FMO3: variants seen among roughly 807,000 people sequenced by gnomAD.
The protein encoded by FMO3 is flavin-containing monooxygenase 3.
In FMO3, 40 loss-of-function variants were observed where a neutral mutation model predicts 39.4. That is an observed-to-expected ratio of 1.02 (90% CI 0.79 to 1.32). The LOEUF (loss-of-function observed/expected upper bound fraction) is 1.32, where lower values mean the gene tolerates loss of function less well. Ranked by LOEUF, FMO3 falls within the 40% of genes most tolerant of loss-of-function variation. FMO3 has a pLI of 0.00. For synonymous variants in FMO3, 219 were observed against 228.8 expected (o/e 0.96, Z 0.39); for missense variants, 680 against 651.8 (o/e 1.04, Z -0.47).
intron 2 of FMO3, among the ~76,000 whole-genome samples, chr1:171,097,381 G>T (rs1655155059): frequency 9.5e-6 from 1 of 105,596 alleles, no homozygotes; most frequent in African/African-American, 4.7e-5. Context: ...CTTCCACAAT[G>T]GTTGAACTAG....
chr1:171,109,487 T>C (rs1375600762), intron 5 of FMO3, among the ~76,000 whole-genome samples: 2 of 151,022 alleles, frequency 1.3e-5, no homozygotes, highest in Admixed American at 6.6e-5. Flanking sequence ...GGAAGATCAA[T>C]TTCAGAGGCT....
chr1:171,094,707 G>A (rs965107959), intron 2 of FMO3, among the ~76,000 whole-genome samples: 2 of 152,102 alleles, frequency 1.3e-5, no homozygotes, highest in African/African-American at 2.4e-5. Flanking sequence ...CCTTTCCCCA[G>A]CATATGCTAT....
rs772961889 is a variant in FMO3, at chr1:171,117,385, G to A, written c.1542G>A (p.Trp514Ter). 4.3e-6 allele frequency: 7 copies of A among 1,612,690 alleles called. No individual in the cohort carries two copies. The highest frequency in any genetic ancestry group is 5.9e-6 in the Non-Finnish European group (7 of 1,179,638). ...RLQKPCFFFH[W>*]LKLFAIPILL... The stretch of plus-strand genomic sequence containing the variant: ...AGAAGCCTTGCTTCTTTTTCCATTG[G>A]CTGAAGCTCTTTGCAATTCCTATTC... Residue 514 changes from tryptophan to a stop codon, truncating the protein, a stop_gained, in exon 9 of 9, where the codon TGG becomes TGA. Coordinates refer to ENST00000367755, the MANE Select transcript of FMO3 (RefSeq NM_001002294.3). LOFTEE classifies it low-confidence loss of function (END_TRUNC).
At chr1:171,098,134 T>A (rs1655189233) in intron 2 of FMO3, among the ~76,000 whole-genome samples, 1 of 152,216 alleles carries the variant, frequency 6.6e-6, no homozygotes. Context: ...GGCTCTGTTC[T>A]GTTCCACTGG....
intron 8 of FMO3, 144 bp from the exon 9 acceptor site, chr1:171,116,956 G>A: frequency 1.5e-6 from 1 of 689,386 alleles, no homozygotes; most frequent in Middle Eastern, 2.6e-4. Flanking sequence ...GATGTTGTAT[G>A]TCAGGGTAGT....
chr1:171,105,821 A>T (rs1655611371), intron 3 of FMO3, among the ~76,000 whole-genome samples: 1 of 152,142 alleles, frequency 6.6e-6, no homozygotes, highest in African/African-American at 2.4e-5. Flanking sequence ...TATGCATGAA[A>T]GATAAAAAAA....
Position 171,117,585 on chromosome 1 carries a change from G to C in FMO3, c.*143G>C. 3.2e-6 allele frequency: 2 copies of C among 627,588 alleles called. No homozygotes were observed. Among genetic ancestry groups the C allele is most frequent in the Non-Finnish European group, 5.5e-6 (2 of 363,976 alleles). 38.9% of individuals were successfully genotyped at this position (627,588 alleles called of 1,614,324 possible). A position where few individuals can be genotyped will look rare whatever the true frequency, so the allele number is the denominator to read the frequency against. Reference sequence around the variant, plus strand: ...TCTGTAGACATTAGTCAGTAATACAGTGTTATTTCTAGGCTCTGAAATAGC... The same window carrying C: ...TCTGTAGACATTAGTCAGTAATACACTGTTATTTCTAGGCTCTGAAATAGC... On this transcript the variant is annotated 3_prime_UTR_variant, in exon 9 of 9. Transcript: ENST00000367755.
chr1:171,099,610 TAAAAG>T (rs201557815), intron 2 of FMO3, among the ~76,000 whole-genome samples: 2,625 of 152,040 alleles, frequency 0.017, 89 homozygotes, highest in African/African-American at 0.06. Context: ...TTTGAAGCTT[TAAAAG>T]AAAAGAAAAA....
At position 171,116,189 on chromosome 1, in the gene FMO3, G is replaced by A. The variant is rs199894248; in HGVS notation, c.1184-19G>A. On this transcript the variant is annotated intron_variant, in intron 7 of 8. Transcript: ENST00000367755. ...TGCCAGACTCATTAATTACCATCGT[G>A]TCTTTCCTTCTTTATCAGGAACTTG... 2.6e-6 allele frequency: 4 copies of A among 1,519,652 alleles called. No homozygotes were observed. The highest frequency in any genetic ancestry group is 2.3e-5 in the East Asian group (1 of 44,304). 94.1% of individuals were successfully genotyped at this position (1,519,652 alleles called of 1,614,324 possible).
At position 171,117,020 on chromosome 1, in the gene FMO3, A is replaced by G. The variant is rs147585698; in HGVS notation, c.1257-80A>G. On this transcript the variant is annotated intron_variant, in intron 8 of 8. Transcript: ENST00000367755. ...GATTGATGTTAATTCTCACTGATAT[A>G]AAGTTGCGAGCCATTTTCTCTGTTC... 2.5e-3 allele frequency: 2,677 copies of G among 1,060,896 alleles called. 5 individuals are homozygous for G. The highest frequency in any genetic ancestry group is 3.6e-3 in the South Asian group (284 of 78,878). The allele number at this position is 1,060,896 out of a possible 1,614,324, so 65.7% of individuals were successfully genotyped here.
chr1:171,110,842 C>G lies in FMO3; in HGVS notation c.672C>G (p.Val224=). The change falls in exon 6 of 9, where the codon GTC becomes GTG. Residue 224 remains valine (V), a synonymous_variant. Coordinates refer to ENST00000367755, the MANE Select transcript of FMO3 (RefSeq NM_001002294.3). ...GTGGCTCCTGGGTGATGAGCCGGGT[C>G]TGGGACAATGGTTATCCTTGGGACA... ...SRSGSWVMSR[V]WDNGYPWDML... 1 of 1,613,966 alleles carries G rather than the reference C, an allele frequency of 6.2e-7. No homozygotes were observed. Among genetic ancestry groups the G allele is most frequent in the Non-Finnish European group, 8.5e-7 (1 of 1,179,924 alleles).
chr1:171,110,307 G>T (rs143805859), intron 5 of FMO3, among the ~76,000 whole-genome samples: 119 of 152,300 alleles, frequency 7.8e-4, no homozygotes, highest in African/African-American at 2.7e-3. Flanking sequence ...TTAGATAAGT[G>T]CTAGGGAAAA....
At chr1:171,098,368 A>T (rs1469090152) in intron 2 of FMO3, among the ~76,000 whole-genome samples, 1 of 152,146 alleles carries the variant, frequency 6.6e-6, no homozygotes, top group African/African-American at 2.4e-5. Flanking sequence ...TGAATCTATA[A>T]ATTACCTTGG....
At chr1:171,116,907 G>A (rs1656179108) in intron 8 of FMO3, among the ~76,000 whole-genome samples, 193 bp from the exon 9 acceptor site, 1 of 152,168 alleles carries the variant, frequency 6.6e-6, no homozygotes, top group East Asian at 1.9e-4. Context: ...AAACCACAAA[G>A]TAGGATAAAC....
In FMO3 at chr1:171,114,242, G is replaced by C; in HGVS notation, c.1063G>C (p.Gly355Arg). 1 of 1,613,906 alleles carries C rather than the reference G, an allele frequency of 6.2e-7. No individual in the cohort carries two copies. Among genetic ancestry groups the C allele is most frequent in the Non-Finnish European group, 8.5e-7 (1 of 1,179,894 alleles). The change falls in exon 7 of 9, where the codon GGA (glycine) becomes CGA (arginine). Residue 355 changes from glycine (G) to arginine (R), a missense_variant. Gly to Arg is a moderately radical substitution (Grantham distance 125). Transcript: ENST00000367755. Reference sequence around the variant, plus strand: ...AAACAATGAGATCATTTTATTTAAAGGAGTATTTCCTCCTCTACTTGAGAA... The same window carrying C: ...AAACAATGAGATCATTTTATTTAAACGAGTATTTCCTCCTCTACTTGAGAA... ...SRNNEIILFKGVFPPLLEKST... is the reference protein window; with the variant it reads ...SRNNEIILFKRVFPPLLEKST...
Position 171,114,190 on chromosome 1 carries a change from C to T in FMO3, c.1011C>T (p.Phe337=), listed in dbSNP as rs1656040820. ...FATGYSFAYP[F]LDESIIKSRN... ...CAGGGTATAGTTTTGCCTACCCCTT[C>T]CTTGATGAGTCTATCATCAAAAGCA... Residue 337 remains phenylalanine, a synonymous_variant, in exon 7 of 9, where the codon TTC becomes TTT. Coordinates refer to ENST00000367755, the MANE Select transcript of FMO3 (RefSeq NM_001002294.3). 1 of 1,613,904 alleles carries T rather than the reference C, an allele frequency of 6.2e-7. No individual in the cohort carries two copies. The highest frequency in any genetic ancestry group is 1.3e-5 in the African/African-American group (1 of 74,922).
At chr1:171,108,740 G>A (rs1306256388) in intron 5 of FMO3, among the ~76,000 whole-genome samples, 1 of 152,156 alleles carries the variant, frequency 6.6e-6, no homozygotes, top group South Asian at 2.1e-4. Flanking sequence ...CAGGCACTGG[G>A]TTGGGTGCTG....
chr1:171,108,264 AAG>A, intron 5 of FMO3, 43 bp downstream of exon 5: 1 of 1,609,474 alleles, frequency 6.2e-7, no homozygotes, highest in African/African-American at 1.3e-5. Flanking sequence ...TTACTGACAG[AAG>A]AGTTATTATC....
chr1:171,094,094 G>C (rs1373341810), intron 2 of FMO3, among the ~76,000 whole-genome samples: 1 of 151,942 alleles, frequency 6.6e-6, no homozygotes, highest in Non-Finnish European at 1.5e-5. Flanking sequence ...CTCCCAAAGT[G>C]CTGGGATTAC....
Sources: allele counts gnomAD v4.1 joint callset (sites outside exome capture counted in the v4.1 genomes callset), GRCh38; gene constraint gnomAD v4.1.1; transcripts MANE v1.5; gene names NCBI Gene and HGNC (gene_info 2026-07-23, HGNC 2026-07-21).